Variants in CCBE1 observed in about 807,000 individuals in gnomAD.
CCBE1 encodes collagen and calcium-binding EGF domain-containing protein 1.
A neutral mutation model predicts 50.0 loss-of-function variants in CCBE1; 37 were observed. The observed-to-expected ratio is 0.74, with a 90% CI of 0.57 to 0.97. The LOEUF (loss-of-function observed/expected upper bound fraction) is 0.97, where lower values mean the gene tolerates loss of function less well. CCBE1 is among the 50% of genes least tolerant of loss of function. CCBE1 has a pLI of 0.00. For missense variants in CCBE1, 538 were observed against 523.8 expected (o/e 1.03, Z -0.26); for synonymous variants, 234 against 203.7 (o/e 1.15, Z -1.27).
chr18:59,456,013 C>A, intron 5 of CCBE1, among the ~76,000 whole-genome samples: 1 of 152,214 alleles, frequency 6.6e-6, no homozygotes, highest in Non-Finnish European at 1.5e-5. Flanking sequence ...CTGTTCCTCT[C>A]TTCTGCAAAG....
intron 2 of CCBE1, among the ~76,000 whole-genome samples, chr18:59,648,869 C>G (rs2054090571): frequency 6.6e-6 from 1 of 152,196 alleles, no homozygotes; most frequent in South Asian, 2.1e-4. Context: ...TCTTTCATCT[C>G]CTTGTATTTC....
chr18:59,568,379 G>A (rs150662237), intron 2 of CCBE1: 1 of 152,210 alleles, frequency 6.6e-6, no homozygotes, highest in Non-Finnish European at 1.5e-5. Context: ...GAAAACACTT[G>A]GTATTACTTC....
intron 7 of CCBE1, among the ~76,000 whole-genome samples, chr18:59,444,667 T>C (rs1910595014): frequency 6.6e-6 from 1 of 152,052 alleles, no homozygotes. Context: ...ATAGCCTGGC[T>C]AGTTTAAATT....
At chr18:59,508,625 A>G (rs1457866033) in intron 2 of CCBE1, among the ~76,000 whole-genome samples, 1 of 152,004 alleles carries the variant, frequency 6.6e-6, no homozygotes, top group Non-Finnish European at 1.5e-5. Context: ...AAAAAAGAAA[A>G]AGAAACTACC....
At chr18:59,690,584 C>T (rs939303823) in intron 2 of CCBE1, among the ~76,000 whole-genome samples, 1 of 152,170 alleles carries the variant, frequency 6.6e-6, no homozygotes, top group Non-Finnish European at 1.5e-5. Context: ...GGTGCACCCA[C>T]CCCAGCTTCA....
At position 59,439,732 on chromosome 18, in the gene CCBE1, G is replaced by A. The variant is rs1041574620; in HGVS notation, c.860C>T (p.Pro287Leu). The A allele has an allele frequency of 1.3e-5, 21 of 1,614,218 alleles. No individual in the cohort carries two copies. Among genetic ancestry groups the A allele is most frequent in the Non-Finnish European group, 1.8e-5 (21 of 1,180,036 alleles). The part of the protein sequence containing the change: ...GQPGPRGSMG[P>L]MGPSPDLSHI... Reference sequence around the variant, plus strand: ...GGACAGATCAGGAGATGGTCCCATGGGTCCCATTGAGCCCCGTGGGCCGGG... The same window carrying A: ...GGACAGATCAGGAGATGGTCCCATGAGTCCCATTGAGCCCCGTGGGCCGGG... Residue 287 changes from proline (P) to leucine (L), a missense_variant, in exon 8 of 11, where the codon CCC becomes CTC. By Grantham distance (98) the Pro-to-Leu change is moderately conservative (BLOSUM62 -3). Coordinates refer to ENST00000439986, the MANE Select transcript of CCBE1 (RefSeq NM_133459.4).
chr18:59,437,879 G>C (rs1018722831), intron 10 of CCBE1, among the ~76,000 whole-genome samples: 4 of 152,164 alleles, frequency 2.6e-5, no homozygotes, highest in Non-Finnish European at 5.9e-5. Flanking sequence ...TTCAAATAAA[G>C]ATTAGCCATG....
rs542104289 is a variant in CCBE1, at chr18:59,463,368, C to T, written c.553+3371G>A. ...TCAGCCTCCTGAGTAGCTGGGACTC[C>T]AGGCACGTGCCACCACACCCAGCTA... is the stretch of plus-strand genomic sequence containing the variant. On this transcript the variant is annotated intron_variant, in intron 5 of 10. Coordinates refer to ENST00000439986, the MANE Select transcript of CCBE1 (RefSeq NM_133459.4). Among the ~76,000 whole-genome samples the T allele has an allele frequency of 5.9e-5, 9 of 152,322 alleles. No individual in the cohort carries two copies. The East Asian group carries it at 1.4e-3, about 23-fold the overall frequency.
chr18:59,641,670 T>C (rs1016474709), intron 2 of CCBE1, among the ~76,000 whole-genome samples: 2 of 152,198 alleles, frequency 1.3e-5, no homozygotes, highest in African/African-American at 4.8e-5. Flanking sequence ...GATCACTTTC[T>C]ACCAAAGATA....
At chr18:59,610,456 T>C (rs2144581429) in intron 2 of CCBE1, among the ~76,000 whole-genome samples, 1 of 130,548 alleles carries the variant, frequency 7.7e-6, no homozygotes, top group East Asian at 2.3e-4. Flanking sequence ...AACATACCAC[T>C]AGAACAGAAA....
intron 2 of CCBE1, among the ~76,000 whole-genome samples, chr18:59,523,470 C>T (rs147086081): frequency 3.2e-4 from 48 of 151,968 alleles, no homozygotes; most frequent in African/African-American, 1.1e-3. Flanking sequence ...CAGTACCTAT[C>T]TCAAGATGTG....
intron 2 of CCBE1, among the ~76,000 whole-genome samples, chr18:59,681,960 T>C (rs779024079): frequency 1.7e-3 from 261 of 152,284 alleles, no homozygotes; most frequent in Non-Finnish European, 2.9e-3. Flanking sequence ...CGGTCAGACC[T>C]GGAAGGAACT....
At chr18:59,471,999 CCAAAAA>C (rs1036438769) in intron 3 of CCBE1, among the ~76,000 whole-genome samples, 6 of 152,190 alleles carry the variant, frequency 3.9e-5, no homozygotes, top group Non-Finnish European at 8.8e-5. Flanking sequence ...CCTGTGTCTA[CCAAAAA>C]GAAAACAGTA....
chr18:59,683,847 C>G (rs1402465980), intron 2 of CCBE1, among the ~76,000 whole-genome samples: 4 of 152,034 alleles, frequency 2.6e-5, no homozygotes, highest in Non-Finnish European at 5.9e-5. Flanking sequence ...TGGAGCATCC[C>G]AGTCAGTACA....
At chr18:59,437,688 G>A (rs77370053) in intron 10 of CCBE1, among the ~76,000 whole-genome samples, 1 of 126,086 alleles carries the variant, frequency 7.9e-6, no homozygotes, top group African/African-American at 2.6e-5. Flanking sequence ...GCGTGGTTTT[G>A]CACTTTTTAA....
chr18:59,636,913 T>A (rs1428487764), intron 2 of CCBE1, among the ~76,000 whole-genome samples: 1 of 152,232 alleles, frequency 6.6e-6, no homozygotes, highest in Non-Finnish European at 1.5e-5. Flanking sequence ...AGTGATTACC[T>A]TGATAGTGTC....
chr18:59,589,113 C>G (rs1165574638), intron 2 of CCBE1, among the ~76,000 whole-genome samples: 1 of 152,166 alleles, frequency 6.6e-6, no homozygotes, highest in Non-Finnish European at 1.5e-5. Context: ...GAACTCAACC[C>G]TTGGGGATCC....
intron 2 of CCBE1, among the ~76,000 whole-genome samples, chr18:59,482,419 G>C (rs139017352): frequency 6.6e-6 from 1 of 152,250 alleles, no homozygotes; most frequent in East Asian, 1.9e-4. Context: ...CAGAAATACT[G>C]TTTGACTCAG....
At chr18:59,456,252 T>C (rs1911189365) in intron 5 of CCBE1, among the ~76,000 whole-genome samples, 1 of 152,216 alleles carries the variant, frequency 6.6e-6, no homozygotes, top group African/African-American at 2.4e-5. Flanking sequence ...ACGTAATGGA[T>C]GCTCGAAAAA....
Sources: gnomAD v4.1 joint callset for allele counts (sites outside exome capture counted in the v4.1 genomes callset) on GRCh38, gnomAD v4.1.1 for gene constraint, MANE v1.5 for transcripts, NCBI Gene and HGNC (gene_info 2026-07-23, HGNC 2026-07-21) for gene names.